Variants in HEXB observed in about 807,000 individuals in gnomAD.
HEXB encodes hexosaminidase subunit beta, also known as beta-hexosaminidase subunit beta.
Under a neutral mutation model 71.2 loss-of-function variants are expected in HEXB, and 51 were observed. That is an observed-to-expected ratio of 0.72 (90% CI 0.57 to 0.90). The LOEUF (loss-of-function observed/expected upper bound fraction) is 0.90. HEXB is among the 40% of genes least tolerant of loss of function. The pLI is 0.00. For synonymous variants in HEXB, 266 were observed against 249.3 expected, an observed-to-expected ratio of 1.07 and a Z score of -0.63; for missense variants, 617 against 677.0, an observed-to-expected ratio of 0.91 and a Z score of 0.98.
chr5:74,693,439 A>C, intron 2 of HEXB, 200 bp from the exon 3 acceptor site: 24 of 633,934 alleles, frequency 3.8e-5, no homozygotes, highest in East Asian at 5.7e-5. Flanking sequence ...GAGGGAGGGA[A>C]GAGTTCTGTT....
chr5:74,698,284 G>T (rs1397914533), intron 5 of HEXB, among the ~76,000 whole-genome samples: 2 of 151,490 alleles, frequency 1.3e-5, no homozygotes, highest in Non-Finnish European at 2.9e-5. Flanking sequence ...TCCATGTTGA[G>T]GCTGGTCTCG....
At chr5:74,658,111 C>G (rs199644626) in intron 1 of HEXB, among the ~76,000 whole-genome samples, 1 of 152,138 alleles carries the variant, frequency 6.6e-6, no homozygotes, top group Non-Finnish European at 1.5e-5. Context: ...CTTGCCAGCA[C>G]GTCTGATGTC....
intron 1 of HEXB, among the ~76,000 whole-genome samples, chr5:74,688,713 G>C (rs1489806826): frequency 6.6e-6 from 1 of 152,150 alleles, no homozygotes; most frequent in African/African-American, 2.4e-5. Flanking sequence ...ATGTAAGCTA[G>C]GATACTTTTG....
At chr5:74,640,255 C>T (rs1747805520) in exon 1 of HEXB, 1 of 152,994 alleles carries the variant, frequency 6.5e-6, no homozygotes. Flanking sequence ...CCGAAGCAGC[C>T]CCTGAAGCCC....
intron 1 of HEXB, among the ~76,000 whole-genome samples, chr5:74,688,187 A>G (rs912860545): frequency 6.6e-5 from 10 of 151,852 alleles, no homozygotes; most frequent in African/African-American, 2.4e-4. Context: ...CAGAATTTTT[A>G]TTTAATATTC....
intron 5 of HEXB, among the ~76,000 whole-genome samples, chr5:74,704,481 G>T (rs926214439): frequency 6.6e-6 from 1 of 151,926 alleles, no homozygotes; most frequent in Non-Finnish European, 1.5e-5. Flanking sequence ...TTTCTCTGGG[G>T]GAATTGTATT....
chr5:74,664,616 G>A (rs1232549017), intron 1 of HEXB, among the ~76,000 whole-genome samples: 1 of 151,868 alleles, frequency 6.6e-6, no homozygotes, highest in Admixed American at 6.6e-5. Context: ...AGTGGAAATC[G>A]ATAATCTGAT....
At chr5:74,699,343 C>T (rs1472797918) in intron 5 of HEXB, among the ~76,000 whole-genome samples, 7 of 150,266 alleles carry the variant, frequency 4.7e-5, no homozygotes, top group Non-Finnish European at 7.4e-5. Flanking sequence ...GGCACAATCT[C>T]GGCTCACTGC....
At chr5:74,660,053 G>A (rs1356104232) in intron 1 of HEXB, among the ~76,000 whole-genome samples, 2 of 148,468 alleles carry the variant, frequency 1.3e-5, no homozygotes, top group African/African-American at 5.0e-5. Context: ...AGGGAGAGGA[G>A]AGACCCTAAT....
At chr5:74,720,969 T>TTTAATTTTCTTCCCTTATTTTCAG (rs1749830876) in intron 13 of HEXB, 149 bp from the exon 14 acceptor site, 5 of 825,988 alleles carry the variant, frequency 6.1e-6, no homozygotes, top group Non-Finnish European at 7.9e-6. Flanking sequence ...CTTGAGTTGC[T>TTTAATTTTCTTCCCTTATTTTCAG]TTAATTTTCT....
intron 11 of HEXB, among the ~76,000 whole-genome samples, chr5:74,719,397 A>G (rs1377353833): frequency 6.6e-6 from 1 of 152,084 alleles, no homozygotes; most frequent in African/African-American, 2.4e-5. Flanking sequence ...TTGTCTTAGG[A>G]TTCTGAGGAG....
upstream of HEXB, among the ~76,000 whole-genome samples, chr5:74,680,541 G>C (rs889554313): frequency 2.6e-5 from 4 of 152,144 alleles, no homozygotes; most frequent in Non-Finnish European, 5.9e-5. Flanking sequence ...TTTTCTAAAG[G>C]GATGAGATTT....
At chr5:74,680,364 C>G (rs943115740), upstream of HEXB, among the ~76,000 whole-genome samples, 1 of 152,164 alleles carries the variant, frequency 6.6e-6, no homozygotes, top group Non-Finnish European at 1.5e-5. Context: ...CTGTCCACCA[C>G]TGTATTTTTG....
At chr5:74,666,521 G>A (rs1285516062) in intron 1 of HEXB, among the ~76,000 whole-genome samples, 1 of 152,168 alleles carries the variant, frequency 6.6e-6, no homozygotes, top group East Asian at 1.9e-4. Context: ...AAGACAACAG[G>A]ATCAAGTTCA....
chr5:74,712,268 C>G (rs530852843), intron 6 of HEXB, among the ~76,000 whole-genome samples: 1 of 124,070 alleles, frequency 8.1e-6, no homozygotes, highest in East Asian at 2.5e-4. Flanking sequence ...ACATCACACA[C>G]TGGGGACTGT....
At chr5:74,661,566 T>TCC (rs1748326921) in intron 1 of HEXB, among the ~76,000 whole-genome samples, 9 of 143,184 alleles carry the variant, frequency 6.3e-5, no homozygotes, top group Admixed American at 6.3e-4. Flanking sequence ...TGTGTGTGTC[T>TCC]CTCTCTCTCT....
At chr5:74,705,198 T>C (rs762910241) in intron 5 of HEXB, 21 bp from the exon 6 acceptor site, 1 of 1,445,938 alleles carries the variant, frequency 6.9e-7, no homozygotes, top group South Asian at 1.1e-5. Context: ...GTAAATAATT[T>C]TTAAATATGT....
chr5:74,716,651 C>G lies in HEXB; in HGVS notation c.1147C>G (p.Leu383Val). ...AGGCTTTGGCACAGATTTTAAGAAA[C>G]TAGAATCTTTCTACATTCAAAAGTA... The part of the protein sequence containing the change: ...QKGFGTDFKK[L>V]ESFYIQKVLD... Residue 383 changes from leucine to valine, a missense_variant, in exon 9 of 14, where the codon CTA becomes GTA. Transcript: ENST00000261416. 1 of 1,604,736 alleles carries G rather than the reference C, an allele frequency of 6.2e-7. No homozygotes were observed. The highest frequency in any genetic ancestry group is 8.5e-7 in the Non-Finnish European group (1 of 1,173,730).
chr5:74,699,450 T>C (rs1436896745), intron 5 of HEXB, among the ~76,000 whole-genome samples: 1 of 152,004 alleles, frequency 6.6e-6, no homozygotes, highest in Non-Finnish European at 1.5e-5. Flanking sequence ...AATTTTTGTA[T>C]TTTTAGTAGA....
Sources: allele counts gnomAD v4.1 joint callset (sites outside exome capture counted in the v4.1 genomes callset), GRCh38; gene constraint gnomAD v4.1.1; transcripts MANE v1.5; gene names NCBI Gene and HGNC (gene_info 2026-07-23, HGNC 2026-07-21).